Variants in CYP24A1 observed in about 807,000 individuals in gnomAD.
CYP24A1 encodes cytochrome P450 family 24 subfamily A member 1, also known as 1,25-dihydroxyvitamin D(3) 24-hydroxylase, mitochondrial.
In CYP24A1, 68 loss-of-function variants were observed where a neutral mutation model predicts 62.4. The observed-to-expected ratio is 1.09, with a 90% confidence interval of 0.90 to 1.33. CYP24A1 has a LOEUF of 1.33. Among genes scored for constraint, CYP24A1 ranks in the 40% most tolerant of loss-of-function variants. The pLI is 0.00. For missense variants in CYP24A1, 787 were observed against 653.0 expected (o/e 1.21, Z -2.24); for synonymous variants, 267 against 253.0 (o/e 1.06, Z -0.52).
intron 6 of CYP24A1, among the ~76,000 whole-genome samples, chr20:54,163,314 T>C (rs1218540635): frequency 6.6e-6 from 1 of 152,208 alleles, no homozygotes. Flanking sequence ...TAAGCACACA[T>C]ACCCCACATA....
chr20:54,171,453 C>A (rs567544760), intron 3 of CYP24A1, 124 bp downstream of exon 3: 6 of 1,579,446 alleles, frequency 3.8e-6, no homozygotes, highest in African/African-American at 2.7e-5. Flanking sequence ...AAAGAGAAGA[C>A]CCCCACTTTG....
chr20:54,155,405 G>A (rs867920756), intron 11 of CYP24A1, among the ~76,000 whole-genome samples: 6 of 152,198 alleles, frequency 3.9e-5, no homozygotes, highest in Middle Eastern at 6.8e-3. Flanking sequence ...TTTAAACACC[G>A]ACATGTCAGC....
chr20:54,147,188 A>G, the CYP24A1 span, among the ~76,000 whole-genome samples: 1 of 152,234 alleles, frequency 6.6e-6, no homozygotes, highest in Non-Finnish European at 1.5e-5. Context: ...CCTAATTGAA[A>G]AATGAGAAGA....
At chr20:54,151,592 G>A (rs1425959320), downstream of CYP24A1, among the ~76,000 whole-genome samples, 1 of 151,896 alleles carries the variant, frequency 6.6e-6, no homozygotes, top group African/African-American at 2.4e-5. Context: ...CTGTCGCCAG[G>A]CTGGAGTGCA....
At position 54,168,442 on chromosome 20, in the gene CYP24A1, C is replaced by T. The variant is rs142881299; in HGVS notation, c.640+1150G>A. ...TGACCTCATCTCCTTTCACAGGCTC[C>T]CCTTCCTCCCAGCTTGTTCATCGTG... On this transcript the variant is annotated intron_variant, in intron 4 of 11. Coordinates refer to ENST00000216862, the MANE Select transcript of CYP24A1 (RefSeq NM_000782.5). 4.5e-3 allele frequency among the ~76,000 whole-genome samples: 680 copies of T among 152,242 alleles called. 7 individuals carry two copies. The highest frequency in any genetic ancestry group is 0.016 in the African/African-American group (658 of 41,548).
At position 54,172,943 on chromosome 20, in the gene CYP24A1, C is replaced by T. The variant is rs1183789767; in HGVS notation, c.415G>A (p.Asp139Asn). 4.3e-6 allele frequency: 7 copies of T among 1,613,648 alleles called. No individual in the cohort carries two copies. The highest frequency in any genetic ancestry group is 1.7e-5 in the Admixed American group (1 of 60,010). ...LEIKPWKAYR[D>N]YRKEGYGLLI... Reference sequence around the variant, plus strand: ...AGCCCGTAGCCTTCTTTGCGGTAGTCGCGATAGGCCTTCCACGGTTTGATC... The same window carrying T: ...AGCCCGTAGCCTTCTTTGCGGTAGTTGCGATAGGCCTTCCACGGTTTGATC... The change falls in exon 2 of 12, where the codon GAC becomes AAC. Residue 139 changes from aspartate (D) to asparagine (N), a missense_variant. By Grantham distance (23) the Asp-to-Asn change is conservative (BLOSUM62 1). Coordinates refer to ENST00000216862, the MANE Select transcript of CYP24A1 (RefSeq NM_000782.5).
chr20:54,156,982 C>G (rs1377639107), intron 11 of CYP24A1, among the ~76,000 whole-genome samples, 187 bp downstream of exon 11: 2 of 151,782 alleles, frequency 1.3e-5, no homozygotes, highest in Non-Finnish European at 2.9e-5. Context: ...GATACACTCT[C>G]TTTGGGTCAT....
In CYP24A1 at chr20:54,173,204, C is replaced by T. The variant is rs2248137; in HGVS notation, c.259-105G>A. Reference sequence around the variant, plus strand: ...TCCTCCTAGGGGACCGGGGACCCTCCCTGCCCAGACGCCGAAGCGCACCAT... The same window carrying T: ...TCCTCCTAGGGGACCGGGGACCCTCTCTGCCCAGACGCCGAAGCGCACCAT... On this transcript the variant is annotated intron_variant, in intron 1 of 11. Transcript: ENST00000216862. The surrounding 1 kb of genome is among the most constrained non-coding windows in gnomAD (Gnocchi z 7.2). The T allele has an allele frequency of 6.6e-7, 1 of 1,524,212 alleles. No homozygotes were observed. The highest frequency in any genetic ancestry group is 9.0e-7 in the Non-Finnish European group (1 of 1,110,066). 94.4% of individuals were successfully genotyped at this position (1,524,212 alleles called of 1,614,324 possible). A position where few individuals can be genotyped will look rare whatever the true frequency, so the allele number is the denominator to read the frequency against.
chr20:54,157,563 T>G lies in CYP24A1; in HGVS notation c.1259A>C (p.Gln420Pro). The stretch of plus-strand genomic sequence containing the variant: ...ATTGTCTTCACTGGATCCCAACACC[T>G]GGGTATTTAGCATGAGCACTGTCTA... ...PKGTVLMLNT[Q>P]VLGSSEDNFE... is the part of the protein sequence containing the mutation. The change falls in exon 10 of 12, where the codon CAG becomes CCG. Residue 420 changes from glutamine (Q) to proline (P), a missense_variant. Transcript: ENST00000216862. 6.3e-7 allele frequency: 1 copy of G among 1,593,220 alleles called. No individual in the cohort carries two copies. Among genetic ancestry groups the G allele is most frequent in the East Asian group, 2.2e-5 (1 of 44,804 alleles).
chr20:54,155,976 C>A (rs1235782020), intron 11 of CYP24A1, among the ~76,000 whole-genome samples: 1 of 152,026 alleles, frequency 6.6e-6, no homozygotes, highest in South Asian at 2.1e-4. Flanking sequence ...ATGGACATGG[C>A]AAAAGTTGTG....
Position 54,165,767 on chromosome 20 carries a change from A to G in CYP24A1, c.707T>C (p.Val236Ala), listed in dbSNP as rs776026992. 4 of 1,521,852 alleles carry G rather than the reference A, an allele frequency of 2.6e-6. No homozygotes were observed. The highest frequency in any genetic ancestry group is 3.7e-6 in the Non-Finnish European group (4 of 1,095,642). 94.3% of individuals were successfully genotyped at this position (1,521,852 alleles called of 1,614,324 possible). The change falls in exon 5 of 12, where the codon GTG (valine) becomes GCG (alanine). Residue 236 changes from valine to alanine, a missense_variant. Val to Ala is a moderately conservative substitution (Grantham distance 64). Coordinates refer to ENST00000216862, the MANE Select transcript of CYP24A1 (RefSeq NM_000782.5). ...TGTTTTGATGGCCATGATGAAGTTC[A>G]CAGCTTCATCCCCTGCATTCTTCTG... ...LLQKNAGDEAVNFIMAIKTMM... is the reference protein window; with the variant it reads ...LLQKNAGDEAANFIMAIKTMM...
chr20:54,168,130 G>C (rs979120995), intron 4 of CYP24A1, among the ~76,000 whole-genome samples: 2 of 151,974 alleles, frequency 1.3e-5, no homozygotes, highest in African/African-American at 2.4e-5. Context: ...TTAGCTGAGG[G>C]GCACCATCTC....
At chr20:54,166,663 A>G (rs1292485810) in intron 4 of CYP24A1, among the ~76,000 whole-genome samples, 1 of 152,168 alleles carries the variant, frequency 6.6e-6, no homozygotes, top group Non-Finnish European at 1.5e-5. Flanking sequence ...CATTCCATAA[A>G]AAATCTACTG....
chr20:54,144,631 G>T, the CYP24A1 span, among the ~76,000 whole-genome samples: 28,327 of 148,506 alleles, frequency 0.19, 3,129 homozygotes, highest in East Asian at 0.3. Flanking sequence ...ATTATATTAT[G>T]AAAATATAGT....
downstream of CYP24A1, among the ~76,000 whole-genome samples, chr20:54,150,768 A>G (rs891516630): frequency 6.6e-6 from 1 of 152,218 alleles, no homozygotes; most frequent in African/African-American, 2.4e-5. Context: ...GCGATGCACA[A>G]GTGTTCTCAT....
intron 3 of CYP24A1, among the ~76,000 whole-genome samples, chr20:54,170,652 G>A (rs561140810): frequency 6.6e-6 from 1 of 152,294 alleles, no homozygotes; most frequent in South Asian, 2.1e-4. Flanking sequence ...TTGGTGACAT[G>A]AGGTCTGCAT....
Position 54,172,960 on chromosome 20 carries a change from G to T in CYP24A1, c.398C>A (p.Pro133Gln). 14 of 1,613,640 alleles carry T rather than the reference G, an allele frequency of 8.7e-6. No individual in the cohort carries two copies. Among genetic ancestry groups the T allele is most frequent in the Non-Finnish European group, 1.2e-5 (14 of 1,180,048 alleles). ...SAYPQRLEIK[P>Q]WKAYRDYRKE... The stretch of plus-strand genomic sequence containing the variant: ...GCGGTAGTCGCGATAGGCCTTCCAC[G>T]GTTTGATCTCCAGCCGCTGCGGGTA... Residue 133 changes from proline to glutamine, a missense_variant, in exon 2 of 12, where the codon CCG (proline) becomes CAG (glutamine). Coordinates refer to ENST00000216862, the MANE Select transcript of CYP24A1 (RefSeq NM_000782.5).
rs760366944 is a variant in CYP24A1 at position 54,173,592 on chromosome 20, C to A, written c.-13G>T. 5.8e-6 allele frequency: 9 copies of A among 1,564,554 alleles called. No individual in the cohort carries two copies. Among genetic ancestry groups the A allele is most frequent in the Non-Finnish European group, 6.9e-6 (8 of 1,159,316 alleles). ...TGGGGGAGCTCATGGCAGCGGGGGA[C>A]ACCGGAGCGCGGGAAGGCAGGAGGA... On this transcript the variant is annotated 5_prime_UTR_variant, in exon 1 of 12. Transcript: ENST00000216862. The surrounding 1 kb of genome is among the most constrained non-coding windows in gnomAD (Gnocchi z 7.2).
rs758740485 is a variant in CYP24A1, at chr20:54,157,339, C to T, written c.1434+49G>A. The T allele has an allele frequency of 2.0e-6, 3 of 1,483,932 alleles. No individual in the cohort carries two copies. The South Asian group carries it at 3.4e-5, about 17-fold the overall frequency. The allele number at this position is 1,483,932 out of a possible 1,614,324, so 91.9% of individuals were successfully genotyped here. The stretch of plus-strand genomic sequence containing the variant: ...CAGAATTACCCCTCTCTTCTTCTGC[C>T]TTGTGAAACAGCACAGAACATAATT... On this transcript the variant is annotated intron_variant, in intron 10 of 11. Transcript: ENST00000216862.
Sources: allele counts gnomAD v4.1 joint callset (sites outside exome capture counted in the v4.1 genomes callset), GRCh38; gene constraint gnomAD v4.1.1; non-coding constraint Gnocchi (gnomAD v3.1); transcripts MANE v1.5; gene names NCBI Gene and HGNC (gene_info 2026-07-23, HGNC 2026-07-21).